PDGFD: variants seen among roughly 807,000 people sequenced by gnomAD.
PDGFD encodes the protein platelet-derived growth factor D.
A neutral mutation model predicts 44.7 loss-of-function variants in PDGFD; 30 were observed. That is an observed-to-expected ratio of 0.67 (90% CI 0.50 to 0.91). PDGFD has a LOEUF of 0.91. Ranked by LOEUF, PDGFD falls within the 40% of genes least tolerant of loss-of-function variation. The pLI is 0.00. For missense variants in PDGFD, 445 were observed against 457.8 expected, an observed-to-expected ratio of 0.97 and a Z score of 0.25; for synonymous variants, 173 against 168.4, an observed-to-expected ratio of 1.03 and a Z score of -0.21.
intron 1 of PDGFD, among the ~76,000 whole-genome samples, chr11:104,154,815 A>G (rs1447583892): frequency 1.3e-5 from 2 of 152,200 alleles, no homozygotes; most frequent in African/African-American, 2.4e-5. Context: ...TGCAGTTTCT[A>G]TGGCTGCTTT....
At chr11:104,040,661 A>G (rs1860332968) in intron 1 of PDGFD, among the ~76,000 whole-genome samples, 1 of 152,090 alleles carries the variant, frequency 6.6e-6, no homozygotes, top group East Asian at 1.9e-4. Flanking sequence ...GCAGATGGAA[A>G]ATTTGAGGCT....
chr11:104,053,384 G>A (rs1371826436), intron 1 of PDGFD, among the ~76,000 whole-genome samples: 1 of 152,178 alleles, frequency 6.6e-6, no homozygotes, highest in African/African-American at 2.4e-5. Flanking sequence ...TTTCATAAAT[G>A]TGTATTTTTA....
intron 1 of PDGFD, among the ~76,000 whole-genome samples, chr11:104,157,783 G>C (rs764635228): frequency 1.3e-5 from 2 of 152,162 alleles, no homozygotes; most frequent in Non-Finnish European, 1.5e-5. Flanking sequence ...TAAGGAAGCA[G>C]ACTTTAAGTG....
intron 1 of PDGFD, among the ~76,000 whole-genome samples, chr11:104,111,035 T>G (rs1861547051): frequency 6.6e-6 from 1 of 152,122 alleles, no homozygotes; most frequent in African/African-American, 2.4e-5. Context: ...GAAGAAAATG[T>G]TCTGACAGTG....
intron 1 of PDGFD, among the ~76,000 whole-genome samples, chr11:104,146,576 C>CTTTA (rs1862165534): frequency 6.6e-6 from 1 of 152,078 alleles, no homozygotes; most frequent in East Asian, 1.9e-4. Flanking sequence ...GTGGGATGCC[C>CTTTA]TCTTAAGATA....
At chr11:104,063,806 T>C (rs1457662312) in intron 1 of PDGFD, among the ~76,000 whole-genome samples, 5 of 152,182 alleles carry the variant, frequency 3.3e-5, no homozygotes, top group Non-Finnish European at 5.9e-5. Context: ...TCTGCCCTCA[T>C]GATCCAGTCA....
intron 1 of PDGFD, among the ~76,000 whole-genome samples, chr11:104,140,608 C>T (rs1862071214): frequency 6.6e-6 from 1 of 152,072 alleles, no homozygotes; most frequent in Non-Finnish European, 1.5e-5. Context: ...CTCTTTCTCC[C>T]TCTGGGAACC....
chr11:104,102,726 C>T lies in PDGFD; in HGVS notation c.124+61078G>A, dbSNP rs181027794. Reference sequence around the variant, plus strand: ...GGATTAAGAAAATGTGGCACATATACGCCGTGGAATACTATGCAGCCATAA... The same window carrying T: ...GGATTAAGAAAATGTGGCACATATATGCCGTGGAATACTATGCAGCCATAA... On this transcript the variant is annotated intron_variant, in intron 1 of 6. Coordinates refer to ENST00000393158, the MANE Select transcript of PDGFD (RefSeq NM_025208.5). Among the ~76,000 whole-genome samples, 163 of 152,272 alleles carry T rather than the reference C, an allele frequency of 1.1e-3. 1 individual carries two copies. Among genetic ancestry groups the T allele is most frequent in the South Asian group, 3.9e-3 (19 of 4,822 alleles).
chr11:104,103,101 G>A (rs1422081788), intron 1 of PDGFD, among the ~76,000 whole-genome samples: 1 of 152,016 alleles, frequency 6.6e-6, no homozygotes, highest in Non-Finnish European at 1.5e-5. Flanking sequence ...CCATATATTG[G>A]TCACATGGCC....
intron 1 of PDGFD, among the ~76,000 whole-genome samples, chr11:104,078,256 T>C (rs1031213328): frequency 1.3e-5 from 2 of 152,180 alleles, no homozygotes; most frequent in East Asian, 1.9e-4. Flanking sequence ...ATGTGCACCA[T>C]ACAACAGCGG....
At chr11:103,918,706 G>T (rs1858163139) in intron 6 of PDGFD, among the ~76,000 whole-genome samples, 2 of 152,156 alleles carry the variant, frequency 1.3e-5, no homozygotes, top group Admixed American at 1.3e-4. Context: ...CAAGACAGGA[G>T]AGCACTATTT....
intron 3 of PDGFD, among the ~76,000 whole-genome samples, chr11:103,977,319 G>T (rs1019774153): frequency 6.6e-6 from 1 of 151,914 alleles, no homozygotes; most frequent in African/African-American, 2.4e-5. Context: ...TGAAAAAGAG[G>T]GACTCCTCCC....
chr11:104,004,438 T>C (rs577947737), intron 1 of PDGFD, among the ~76,000 whole-genome samples: 1 of 152,302 alleles, frequency 6.6e-6, no homozygotes, highest in East Asian at 1.9e-4. Flanking sequence ...TTTCAAAATA[T>C]AGAAGAGGAT....
intron 4 of PDGFD, 138 bp from the exon 5 acceptor site, chr11:103,943,788 A>G (rs924698646): frequency 3.1e-6 from 2 of 654,434 alleles, no homozygotes; most frequent in Non-Finnish European, 5.2e-6. Flanking sequence ...TGTAAAAACA[A>G]CATGGTATTG....
chr11:103,928,633 C>T (rs528371769), intron 5 of PDGFD, among the ~76,000 whole-genome samples: 5 of 152,296 alleles, frequency 3.3e-5, no homozygotes, highest in Middle Eastern at 3.4e-3. Flanking sequence ...AATTGTCATA[C>T]GCTGAGCCCA....
chr11:104,099,272 A>G (rs75545509), intron 1 of PDGFD, among the ~76,000 whole-genome samples: 3,558 of 152,280 alleles, frequency 0.023, 108 homozygotes, highest in East Asian at 0.083. Context: ...TAAAAGTTTC[A>G]AAGTTTAGAT....
In PDGFD at chr11:104,067,838, G is replaced by C. The variant is rs560991289; in HGVS notation, c.125-67583C>G. The stretch of plus-strand genomic sequence containing the variant: ...TACATAGAGCAGTTATGCTCATCTA[G>C]TATTTGTAGCAATGGCAGATAAGAA... On this transcript the variant is annotated intron_variant, in intron 1 of 6. Transcript: ENST00000393158. Among the ~76,000 whole-genome samples the C allele has an allele frequency of 2.0e-5, 3 of 152,214 alleles. No homozygotes were observed. The South Asian group carries it at 6.2e-4, about 32-fold the overall frequency.
chr11:103,955,163 C>CAAAAAAAA (rs539890054), intron 3 of PDGFD, among the ~76,000 whole-genome samples: 5 of 58,410 alleles, frequency 8.6e-5, no homozygotes, highest in Admixed American at 5.5e-4. Context: ...GACTCCGTCT[C>CAAAAAAAA]AAAAAAAAAA....
At chr11:104,083,175 T>C (rs973632948) in intron 1 of PDGFD, among the ~76,000 whole-genome samples, 21 of 152,324 alleles carry the variant, frequency 1.4e-4, no homozygotes, top group African/African-American at 5.1e-4. Context: ...TAAAGTTATA[T>C]ATAGAATGCA....
Sources: allele counts gnomAD v4.1 joint callset (sites outside exome capture counted in the v4.1 genomes callset), GRCh38; gene constraint gnomAD v4.1.1; transcripts MANE v1.5; gene names NCBI Gene and HGNC (gene_info 2026-07-23, HGNC 2026-07-21).